Variants in METTL9 observed in about 807,000 individuals in gnomAD.
The protein encoded by METTL9 is methyltransferase 9, His-X-His N1(pi)-histidine, also known as protein-L-histidine N-pros-methyltransferase.
Under a neutral mutation model 36.0 loss-of-function variants are expected in METTL9, and 10 were observed. That is an observed-to-expected ratio of 0.28 (90% CI 0.17 to 0.47). METTL9 has a LOEUF of 0.47. Among genes scored for constraint, METTL9 ranks in the 20% least tolerant of loss-of-function variants. METTL9 has a pLI of 0.99. For synonymous variants in METTL9, 175 were observed against 149.7 expected (o/e 1.17, Z -1.23); for missense variants, 246 against 383.5 (o/e 0.64, Z 3.00).
In METTL9 at chr16:21,599,761, C is replaced by T. The variant is rs752521446; in HGVS notation, c.28C>T (p.Leu10=). MRLLAGWLC[L]SLASVWLARR... ...GAGACTGCTGGCGGGCTGGCTGTGCCTGAGCCTGGCGTCCGTGTGGCTGGC... is the reference window on the plus strand; with the variant it reads ...GAGACTGCTGGCGGGCTGGCTGTGCTTGAGCCTGGCGTCCGTGTGGCTGGC... Residue 10 remains leucine, a synonymous_variant, in exon 1 of 5, where the codon CTG becomes TTG. Transcript: ENST00000358154. The surrounding 1 kb of genome is among the most constrained non-coding windows in gnomAD (Gnocchi z 4.4). 3 of 1,535,896 alleles carry T rather than the reference C, an allele frequency of 2.0e-6. No homozygotes were observed. Among genetic ancestry groups the T allele is most frequent in the Non-Finnish European group, 2.6e-6 (3 of 1,149,058 alleles).
chr16:21,638,195 A>G (rs915667473), intron 4 of METTL9, among the ~76,000 whole-genome samples: 2 of 152,170 alleles, frequency 1.3e-5, no homozygotes, highest in Non-Finnish European at 2.9e-5. Flanking sequence ...GCAGATGCCT[A>G]TAATCCCAGC....
At position 21,637,654 on chromosome 16, in the gene METTL9, C is replaced by T. The variant is rs149230147; in HGVS notation, c.751+12539C>T. 2.1e-4 allele frequency among the ~76,000 whole-genome samples: 32 copies of T among 152,372 alleles called. 1 individual carries two copies. Among genetic ancestry groups the T allele is most frequent in the East Asian group, 1.5e-3 (8 of 5,180 alleles). The stretch of plus-strand genomic sequence containing the variant: ...CCCAGCAGGCACCAGCCAGTGGCAC[C>T]GAGTGCTGGGCCTGCTGAGCCCGTA... On this transcript the variant is annotated intron_variant, in intron 4 of 4. Coordinates refer to ENST00000358154, the MANE Select transcript of METTL9 (RefSeq NM_016025.5).
chr16:21,625,191 AT>A, intron 4 of METTL9, 76 bp downstream of exon 4: 1 of 1,504,008 alleles, frequency 6.6e-7, no homozygotes, highest in Non-Finnish European at 9.2e-7. Context: ...GCTGTGTACA[AT>A]TAAATATTGT....
At chr16:21,646,070 A>G (rs1966418477) in intron 4 of METTL9, among the ~76,000 whole-genome samples, 1 of 152,142 alleles carries the variant, frequency 6.6e-6, no homozygotes, top group Non-Finnish European at 1.5e-5. Context: ...GGTCCTTCCT[A>G]AGGGAAGAGA....
intron 1 of METTL9, chr16:21,612,216 A>G (rs1444202929): frequency 6.5e-6 from 1 of 154,788 alleles, no homozygotes; most frequent in African/African-American, 2.4e-5. Flanking sequence ...TTTCTTGTCT[A>G]AAAACAAGGA....
intron 4 of METTL9, among the ~76,000 whole-genome samples, chr16:21,634,089 C>T (rs1228966997): frequency 6.6e-6 from 1 of 152,164 alleles, no homozygotes; most frequent in East Asian, 1.9e-4. Flanking sequence ...AGCAAAGTTT[C>T]CAATTACAAC....
At chr16:21,638,597 A>G (rs1007031045) in intron 4 of METTL9, among the ~76,000 whole-genome samples, 4 of 152,234 alleles carry the variant, frequency 2.6e-5, no homozygotes, top group Admixed American at 1.3e-4. Context: ...TAAAACACAG[A>G]ATAGTACACA....
At chr16:21,605,257 C>CCT (rs1965246523) in intron 1 of METTL9, among the ~76,000 whole-genome samples, 1 of 51,204 alleles carries the variant, frequency 2.0e-5, no homozygotes, top group Non-Finnish European at 3.9e-5. Flanking sequence ...GGCTTGCCTT[C>CCT]TTTTTTTTTT....
intron 1 of METTL9, among the ~76,000 whole-genome samples, chr16:21,601,060 A>G (rs1007761132): frequency 6.6e-6 from 1 of 152,164 alleles, no homozygotes; most frequent in African/African-American, 2.4e-5. Context: ...CTTTAGTAAT[A>G]TGTATATTGG....
intron 4 of METTL9, chr16:21,655,022 G>A (rs3759993): frequency 0.078 from 45,731 of 586,020 alleles, 3,579 homozygotes; most frequent in East Asian, 0.34. Context: ...CCTTGCAAGC[G>A]TGGGCAAGTT....
intron 4 of METTL9, among the ~76,000 whole-genome samples, chr16:21,637,649 G>A (rs1966136884): frequency 6.6e-6 from 1 of 152,262 alleles, no homozygotes; most frequent in Admixed American, 6.5e-5. Flanking sequence ...ACCAGCCAGT[G>A]GCACCGAGTG....
At position 21,644,467 on chromosome 16, in the gene METTL9, T is replaced by C. The variant is rs1597784260; in HGVS notation, c.752-10760T>C. The C allele has an allele frequency of 3.8e-6, 4 of 1,064,994 alleles. No homozygotes were observed. The East Asian group carries it at 9.7e-5, about 26-fold the overall frequency. The allele number at this position is 1,064,994 out of a possible 1,614,324, so 66.0% of individuals were successfully genotyped here. ...TTCTTTCAAATACATGTGTAAAGTATCCTTCACACTGCGTTTTAGAGGTGA... is the reference window on the plus strand; with the variant it reads ...TTCTTTCAAATACATGTGTAAAGTACCCTTCACACTGCGTTTTAGAGGTGA... On this transcript the variant is annotated intron_variant, in intron 4 of 4. Transcript: ENST00000358154.
chr16:21,613,593 C>T (rs1253571888), intron 2 of METTL9, among the ~76,000 whole-genome samples: 1 of 152,140 alleles, frequency 6.6e-6, no homozygotes, highest in Non-Finnish European at 1.5e-5. Flanking sequence ...GGGCTTTACG[C>T]CCTTAGGCTG....
At chr16:21,645,822 TA>T (rs1329959656) in intron 4 of METTL9, among the ~76,000 whole-genome samples, 1 of 152,246 alleles carries the variant, frequency 6.6e-6, no homozygotes, top group East Asian at 1.9e-4. Flanking sequence ...TTATTTGCTA[TA>T]TGCCAGGCAC....
At chr16:21,638,540 G>T (rs115414696) in intron 4 of METTL9, among the ~76,000 whole-genome samples, 1 of 152,150 alleles carries the variant, frequency 6.6e-6, no homozygotes, top group Non-Finnish European at 1.5e-5. Context: ...GGCCTACTGT[G>T]TACCAAGTGG....
At chr16:21,644,649 G>T (rs895953287) in intron 4 of METTL9, among the ~76,000 whole-genome samples, 1 of 152,136 alleles carries the variant, frequency 6.6e-6, no homozygotes, top group African/African-American at 2.4e-5. Flanking sequence ...CCAACCATTT[G>T]TCATATTGCT....
chr16:21,612,986 A>C (rs973202388), intron 2 of METTL9, 151 bp downstream of exon 2: 8 of 662,888 alleles, frequency 1.2e-5, no homozygotes, highest in Non-Finnish European at 1.9e-5. Context: ...CCAGCGTTCT[A>C]TCTTTCTGTG....
At chr16:21,613,611 A>G (rs1292846000) in intron 2 of METTL9, among the ~76,000 whole-genome samples, 1 of 152,142 alleles carries the variant, frequency 6.6e-6, no homozygotes, top group African/African-American at 2.4e-5. Flanking sequence ...CTGAAAAGTA[A>G]GATCTTTGCC....
intron 2 of METTL9, among the ~76,000 whole-genome samples, chr16:21,617,432 G>GAA (rs71151645): frequency 1.8e-4 from 26 of 142,648 alleles, no homozygotes; most frequent in Non-Finnish European, 3.5e-4. Context: ...AAAAAAAAAA[G>GAA]AAAAAAAAAA....
Sources: allele counts gnomAD v4.1 joint callset (sites outside exome capture counted in the v4.1 genomes callset), GRCh38; gene constraint gnomAD v4.1.1; non-coding constraint Gnocchi (gnomAD v3.1); transcripts MANE v1.5; gene names NCBI Gene and HGNC (gene_info 2026-07-23, HGNC 2026-07-21).